Variants in NPC1 observed in about 807,000 individuals in gnomAD.
NPC1 encodes the protein NPC intracellular cholesterol transporter 1.
A neutral mutation model predicts 140.4 loss-of-function variants in NPC1; 85 were observed. The observed-to-expected ratio is 0.61, with a 90% CI of 0.51 to 0.72. NPC1 has a LOEUF of 0.72. Among genes scored for constraint, NPC1 ranks in the 30% least tolerant of loss-of-function variants. The probability of loss-of-function intolerance (pLI) is 0.00; values close to 1 mark genes in which losing one functional copy is unlikely to be tolerated. For synonymous variants in NPC1, 656 were observed against 624.8 expected, an observed-to-expected ratio of 1.05 and a Z score of -0.74; for missense variants, 1,504 against 1,623.8, an observed-to-expected ratio of 0.93 and a Z score of 1.27.
chr18:23,571,345 C>CTCA (rs2059200128), intron 3 of NPC1, among the ~76,000 whole-genome samples: 1 of 151,784 alleles, frequency 6.6e-6, no homozygotes, highest in South Asian at 2.1e-4. Flanking sequence ...TAGTGAGACC[C>CTCA]TCATCTCTAG....
intron 6 of NPC1, 114 bp downstream of exon 6, chr18:23,560,117 T>C: frequency 8.2e-7 from 1 of 1,217,126 alleles, no homozygotes; most frequent in East Asian, 2.3e-5. Context: ...GCAATGGTAT[T>C]CATGGAGGTA....
chr18:23,539,026 A>G (rs1044882323), intron 19 of NPC1: 3 of 449,696 alleles, frequency 6.7e-6, no homozygotes, highest in Non-Finnish European at 1.2e-5. Context: ...GGGTAAAGTG[A>G]TAAAGAAAAG....
chr18:23,570,456 G>C (rs2059185536), intron 3 of NPC1, among the ~76,000 whole-genome samples: 2 of 152,132 alleles, frequency 1.3e-5, no homozygotes, highest in Admixed American at 1.3e-4. Flanking sequence ...GGATATGCTG[G>C]CCCAATTACA....
chr18:23,534,179 T>A (rs1020135009), intron 23 of NPC1: 4 of 562,130 alleles, frequency 7.1e-6, no homozygotes, highest in African/African-American at 1.9e-5. Context: ...GCATTTTAAA[T>A]GGGAAAGACT....
At chr18:23,565,647 C>G (rs2059113630) in intron 4 of NPC1, among the ~76,000 whole-genome samples, 1 of 151,162 alleles carries the variant, frequency 6.6e-6, no homozygotes, top group South Asian at 2.1e-4. Flanking sequence ...AGCCACTGCA[C>G]CCGGCTGTTC....
chr18:23,542,124 T>G (rs977665582), intron 14 of NPC1, among the ~76,000 whole-genome samples: 1 of 152,146 alleles, frequency 6.6e-6, no homozygotes, highest in Admixed American at 6.5e-5. Flanking sequence ...CACGTGCAGT[T>G]GGGGTGCCAC....
chr18:23,531,593 T>TCTAA lies in NPC1; in HGVS notation c.*605_*608dup. 4.4e-6 allele frequency: 7 copies of TCTAA among 1,605,394 alleles called. No individual in the cohort carries two copies. In the South Asian group the frequency reaches 6.8e-5, roughly 16 times the overall value. On this transcript the variant is annotated 3_prime_UTR_variant, in exon 25 of 25. Transcript: ENST00000269228. ...TCTTTGTCCCTCATTTCATGCCACA[T>TCTAA]CTAACTGGCAATTAAATCTCTTCCT...
chr18:23,534,609 T>TA, intron 22 of NPC1, 50 bp from the exon 23 acceptor site: 1 of 1,454,942 alleles, frequency 6.9e-7, no homozygotes, highest in Admixed American at 1.8e-5. Flanking sequence ...TTGAAGACCC[T>TA]AGGCAGCCAC....
chr18:23,551,332 C>CA (rs1368043334), intron 10 of NPC1, among the ~76,000 whole-genome samples: 4 of 152,192 alleles, frequency 2.6e-5, no homozygotes, highest in African/African-American at 4.8e-5. Flanking sequence ...CCATGACCTT[C>CA]AAGCTGAACA....
chr18:23,533,336 T>C lies in NPC1; in HGVS notation c.3754+19A>G. Reference sequence around the variant, plus strand: ...AATGTCCTTCTATTGTGCCACCCTTTTAAGATGAGAACTCTTACCTATGTA... The same window carrying C: ...AATGTCCTTCTATTGTGCCACCCTTCTAAGATGAGAACTCTTACCTATGTA... On this transcript the variant is annotated intron_variant, in intron 24 of 24. Transcript: ENST00000269228. 1.2e-6 allele frequency: 2 copies of C among 1,611,932 alleles called. No individual in the cohort carries two copies. Among genetic ancestry groups the C allele is most frequent in the East Asian group, 4.5e-5 (2 of 44,882 alleles).
At chr18:23,577,347 T>C (rs1356056833) in intron 1 of NPC1, among the ~76,000 whole-genome samples, 2 of 111,162 alleles carry the variant, frequency 1.8e-5, no homozygotes, top group East Asian at 3.1e-4. Flanking sequence ...CTCACAAACC[T>C]TGAGCTAAAC....
intron 4 of NPC1, among the ~76,000 whole-genome samples, chr18:23,564,163 T>C (rs1375518373): frequency 6.6e-6 from 1 of 150,520 alleles, no homozygotes; most frequent in African/African-American, 2.5e-5. Context: ...TTTTCTATTT[T>C]AGTAGAGACA....
At chr18:23,507,067 T>G in intron 3 of NPC1, 1 of 1,543,904 alleles carries the variant, frequency 6.5e-7, no homozygotes, top group Non-Finnish European at 8.9e-7. Flanking sequence ...AAGACTTATC[T>G]TTAAAATACA....
At chr18:23,577,570 A>G (rs1246419079) in intron 1 of NPC1, among the ~76,000 whole-genome samples, 1 of 152,156 alleles carries the variant, frequency 6.6e-6, no homozygotes. Context: ...GGCTTCACCT[A>G]GTGGATCCCG....
At chr18:23,545,222 T>G (rs2058772143) in intron 11 of NPC1, 73 bp from the exon 12 acceptor site, 1 of 1,140,722 alleles carries the variant, frequency 8.8e-7, no homozygotes, top group South Asian at 1.3e-5. Flanking sequence ...CTCCCTAACT[T>G]TCACGATACA....
chr18:23,541,127 G>T lies in NPC1; in HGVS notation c.2455C>A (p.Arg819Ser), dbSNP rs762226042. ...GGAGAATAGGAGTTTTTGAAGAAGC[G>T]AAACAAACAGCTCTCTGAGGCCTGG... ...SVQASESCLFRFFKNSYSPLL... is the reference protein window; with the variant it reads ...SVQASESCLFSFFKNSYSPLL... The change falls in exon 16 of 25, where the codon CGC becomes AGC. Residue 819 changes from arginine to serine, a missense_variant. Arg to Ser is a moderately radical substitution (Grantham distance 110). Coordinates refer to ENST00000269228, the MANE Select transcript of NPC1 (RefSeq NM_000271.5). The T allele has an allele frequency of 9.3e-6, 15 of 1,614,156 alleles. No individual in the cohort carries two copies. Among genetic ancestry groups the T allele is most frequent in the Non-Finnish European group, 1.2e-5 (14 of 1,180,024 alleles).
At chr18:23,543,839 A>C (rs1431145545) in intron 13 of NPC1, among the ~76,000 whole-genome samples, 1 of 152,182 alleles carries the variant, frequency 6.6e-6, no homozygotes, top group East Asian at 1.9e-4. Context: ...AGGGGACTGG[A>C]CCAGTGAACA....
At chr18:23,584,621 A>C (rs1394085964) in intron 1 of NPC1, among the ~76,000 whole-genome samples, 2 of 152,160 alleles carry the variant, frequency 1.3e-5, no homozygotes, top group African/African-American at 2.4e-5. Context: ...TGTAATCCCC[A>C]AAAGAGGAGG....
At chr18:23,555,058 T>G (rs1241549952) in intron 8 of NPC1, 74 bp from the exon 9 acceptor site, 1 of 945,518 alleles carries the variant, frequency 1.1e-6, no homozygotes, top group Non-Finnish European at 1.7e-6. Flanking sequence ...TAATCAGCAT[T>G]GCCCTGAGGG....
Sources: allele counts gnomAD v4.1 joint callset (sites outside exome capture counted in the v4.1 genomes callset), GRCh38; gene constraint gnomAD v4.1.1; transcripts MANE v1.5; gene names NCBI Gene and HGNC (gene_info 2026-07-23, HGNC 2026-07-21).